LRBA: variants seen among roughly 807,000 people sequenced by gnomAD.
The protein encoded by LRBA is LPS responsive beige-like anchor protein, also known as lipopolysaccharide-responsive and beige-like anchor protein.
A neutral mutation model predicts 330.0 loss-of-function variants in LRBA; 176 were observed. That is an observed-to-expected ratio of 0.53 (90% CI 0.47 to 0.60). The LOEUF (loss-of-function observed/expected upper bound fraction) is 0.60. Among genes scored for constraint, LRBA ranks in the 20% least tolerant of loss-of-function variants. LRBA has a pLI of 0.00. For missense variants in LRBA, 3,259 were observed against 3,444.8 expected (o/e 0.95, Z 1.35); for synonymous variants, 1,230 against 1,193.0 (o/e 1.03, Z -0.64).
At chr4:150,805,173 A>G (rs1378503399) in intron 33 of LRBA, among the ~76,000 whole-genome samples, 1 of 145,550 alleles carries the variant, frequency 6.9e-6, no homozygotes, top group Non-Finnish European at 1.5e-5. Flanking sequence ...GCGCAAAAAG[A>G]AAAAAAAAAG....
intron 47 of LRBA, among the ~76,000 whole-genome samples, chr4:150,391,812 C>G (rs1743982594): frequency 6.6e-6 from 1 of 152,014 alleles, no homozygotes; most frequent in South Asian, 2.1e-4. Flanking sequence ...TTTTCTTCCT[C>G]TTGAGTGCCA....
intron 2 of LRBA, among the ~76,000 whole-genome samples, chr4:150,982,572 A>AT (rs1183483162): frequency 2.0e-5 from 3 of 149,288 alleles, no homozygotes; most frequent in Non-Finnish European, 4.4e-5. Flanking sequence ...ATTATCAGAG[A>AT]TTTTTTAATT....
At chr4:150,937,539 T>C (rs1735205923) in intron 2 of LRBA, among the ~76,000 whole-genome samples, 1 of 152,160 alleles carries the variant, frequency 6.6e-6, no homozygotes, top group African/African-American at 2.4e-5. Flanking sequence ...TAATGTAGCA[T>C]GGAAACTGAT....
chr4:150,635,816 T>A (rs767363211), intron 37 of LRBA, among the ~76,000 whole-genome samples: 1 of 152,192 alleles, frequency 6.6e-6, no homozygotes, highest in African/African-American at 2.4e-5. Flanking sequence ...TATAGCAAGA[T>A]GACACAGCTG....
chr4:150,266,419 A>ACTT (rs1175775656), intron 56 of LRBA, among the ~76,000 whole-genome samples: 1 of 152,224 alleles, frequency 6.6e-6, no homozygotes, highest in Non-Finnish European at 1.5e-5. Context: ...GAAGATAAGA[A>ACTT]CTTCTGCAAG....
At position 150,568,507 on chromosome 4, in the gene LRBA, G is replaced by A. The variant is rs536281394; in HGVS notation, c.6330+19541C>T. Among the ~76,000 whole-genome samples, 6 of 152,172 alleles carry A rather than the reference G, an allele frequency of 3.9e-5. No homozygotes were observed. In the South Asian group the frequency reaches 1.0e-3, roughly 26 times the overall value. ...ATCTCCACTGTCTAGCAGGCAGCAC[G>A]TAAGTGGTGGTAATAAGGAAACATT... On this transcript the variant is annotated intron_variant, in intron 40 of 56. Coordinates refer to ENST00000651943, the MANE Select transcript of LRBA (RefSeq NM_001364905.1).
chr4:150,928,839 A>C lies in LRBA; in HGVS notation c.443T>G (p.Ile148Arg), dbSNP rs780932494. ...TACTATAGAAAAAATCATACCTGCT[A>C]TCATATTGTCAACTTTTTCAATTTT... is the stretch of plus-strand genomic sequence containing the variant. ...LGKIEKVDNM[I>R]ADLLVDMLGV... Residue 148 changes from isoleucine to arginine, a missense_variant, in exon 3 of 57, where the codon ATA (isoleucine) becomes AGA (arginine). Coordinates refer to ENST00000651943, the MANE Select transcript of LRBA (RefSeq NM_001364905.1). 4.3e-6 allele frequency: 7 copies of C among 1,611,750 alleles called. No homozygotes were observed. The South Asian group carries it at 7.7e-5, about 18-fold the overall frequency.
At chr4:150,494,990 ACT>A (rs1451253213) in intron 40 of LRBA, among the ~76,000 whole-genome samples, 2 of 150,220 alleles carry the variant, frequency 1.3e-5, no homozygotes, top group Admixed American at 6.7e-5. Context: ...ACACAGCGAG[ACT>A]CTGTCTCAAA....
At chr4:150,404,694 TGA>T (rs1314730260) in intron 47 of LRBA, among the ~76,000 whole-genome samples, 1 of 152,150 alleles carries the variant, frequency 6.6e-6, no homozygotes, top group Non-Finnish European at 1.5e-5. Flanking sequence ...ATTATATAGA[TGA>T]GATACCCACG....
chr4:150,770,174 A>G (rs922648558), intron 34 of LRBA, among the ~76,000 whole-genome samples: 12 of 152,132 alleles, frequency 7.9e-5, no homozygotes, highest in African/African-American at 2.9e-4. Context: ...ACTTGCCCTC[A>G]CATTAGCACT....
intron 30 of LRBA, among the ~76,000 whole-genome samples, chr4:150,818,743 C>G (rs1016725828): frequency 6.6e-6 from 1 of 151,942 alleles, no homozygotes; most frequent in Non-Finnish European, 1.5e-5. Flanking sequence ...TTTACTTTCA[C>G]ATTTGTTCAC....
chr4:150,709,677 T>C (rs1191664928), intron 36 of LRBA, among the ~76,000 whole-genome samples: 1 of 151,990 alleles, frequency 6.6e-6, no homozygotes, highest in Non-Finnish European at 1.5e-5. Flanking sequence ...TGAATAGACA[T>C]AGAGTTCTTA....
At chr4:150,836,273 G>A (rs1360614806) in intron 28 of LRBA, among the ~76,000 whole-genome samples, 1 of 152,000 alleles carries the variant, frequency 6.6e-6, no homozygotes, top group Non-Finnish European at 1.5e-5. Flanking sequence ...TTTTTTTGTT[G>A]TGTCTCTGCC....
intron 37 of LRBA, among the ~76,000 whole-genome samples, chr4:150,615,429 G>C (rs1330805722): frequency 6.6e-6 from 1 of 151,926 alleles, no homozygotes; most frequent in East Asian, 1.9e-4. Context: ...AGGAGAGAGA[G>C]ACGATGTCTG....
chr4:150,392,217 C>A (rs961467408), intron 47 of LRBA, among the ~76,000 whole-genome samples: 16 of 152,120 alleles, frequency 1.1e-4, no homozygotes, highest in Non-Finnish European at 2.4e-4. Context: ...ATATCATAAA[C>A]TGGGTAACAA....
At chr4:150,647,870 A>G (rs558018982) in intron 37 of LRBA, among the ~76,000 whole-genome samples, 2 of 152,006 alleles carry the variant, frequency 1.3e-5, no homozygotes, top group Non-Finnish European at 2.9e-5. Context: ...TATATCAGAC[A>G]TATTATTAAT....
At chr4:150,365,302 C>T (rs1016925071) in intron 47 of LRBA, among the ~76,000 whole-genome samples, 12 of 152,024 alleles carry the variant, frequency 7.9e-5, no homozygotes, top group Admixed American at 2.6e-4. Flanking sequence ...CAACTGCACC[C>T]GGCCTCATTA....
chr4:150,341,535 CT>C (rs1735561546), intron 48 of LRBA, among the ~76,000 whole-genome samples: 1 of 152,080 alleles, frequency 6.6e-6, no homozygotes, highest in South Asian at 2.1e-4. Flanking sequence ...CCATACTGTG[CT>C]CTTTTCCACA....
intron 36 of LRBA, among the ~76,000 whole-genome samples, chr4:150,724,865 AATATATGTATATATATACATAT>A (rs1346444123): frequency 1.7e-4 from 25 of 148,136 alleles, no homozygotes; most frequent in Non-Finnish European, 2.5e-4. Flanking sequence ...AATAAATTTA[AATATATGTATATATATACATAT>A]ATATATGTAT....
Sources: allele counts gnomAD v4.1 joint callset (sites outside exome capture counted in the v4.1 genomes callset), GRCh38; gene constraint gnomAD v4.1.1; transcripts MANE v1.5; gene names NCBI Gene and HGNC (gene_info 2026-07-23, HGNC 2026-07-21).